Variants in GRIN2A observed in about 807,000 individuals in gnomAD.
GRIN2A encodes the protein glutamate receptor ionotropic, NMDA 2A.
In GRIN2A, 22 loss-of-function variants were observed where a neutral mutation model predicts 113.4. That is an observed-to-expected ratio of 0.19 (90% CI 0.14 to 0.28). The LOEUF is 0.28. Ranked by LOEUF, GRIN2A falls within the 10% of genes least tolerant of loss-of-function variation. The pLI, the probability that GRIN2A is intolerant of heterozygous loss-of-function variation, is 1.00. For synonymous variants in GRIN2A, 827 were observed against 738.4 expected, an observed-to-expected ratio of 1.12 and a Z score of -1.94; for missense variants, 1,502 against 1,887.0, an observed-to-expected ratio of 0.80 and a Z score of 3.78.
intron 3 of GRIN2A, among the ~76,000 whole-genome samples, chr16:9,910,039 T>A (rs2044103309): frequency 6.6e-6 from 1 of 152,240 alleles, no homozygotes; most frequent in Admixed American, 6.5e-5. Context: ...AAAACATATT[T>A]CATTCCTTTA....
intron 2 of GRIN2A, among the ~76,000 whole-genome samples, chr16:10,172,734 T>G (rs1267040109): frequency 1.3e-5 from 2 of 152,212 alleles, no homozygotes; most frequent in African/African-American, 4.8e-5. Context: ...GATTTTCTTT[T>G]CAATGGGATG....
At chr16:9,883,221 T>G (rs928483024) in intron 4 of GRIN2A, among the ~76,000 whole-genome samples, 1 of 152,150 alleles carries the variant, frequency 6.6e-6, no homozygotes, top group Non-Finnish European at 1.5e-5. Context: ...TCATCATAGT[T>G]ATTGGTACAG....
intron 10 of GRIN2A, among the ~76,000 whole-genome samples, chr16:9,818,937 T>A (rs1427849062): frequency 6.6e-6 from 1 of 152,180 alleles, no homozygotes; most frequent in Non-Finnish European, 1.5e-5. Context: ...TTGTTTGCAA[T>A]AGCAAAAGAT....
chr16:10,109,585 A>C (rs1423127488), intron 2 of GRIN2A, among the ~76,000 whole-genome samples: 1 of 151,946 alleles, frequency 6.6e-6, no homozygotes. Flanking sequence ...GTACGTTCAC[A>C]CCATGAAGGT....
rs761647204 is a variant in GRIN2A, at chr16:9,935,954, G to A, written c.1007+2005C>T. On this transcript the variant is annotated intron_variant, in intron 3 of 12. Transcript: ENST00000330684. ...TGGCCTCCAGCGATCCACCCACCTC[G>A]GCCTCCCAAAGTGCTAGGATTACAG... Among the ~76,000 whole-genome samples, 12 of 152,044 alleles carry A rather than the reference G, an allele frequency of 7.9e-5. No individual in the cohort carries two copies. In the East Asian group the frequency reaches 9.7e-4, roughly 12 times the overall value.
chr16:9,864,947 C>T (rs1025784719), intron 4 of GRIN2A, among the ~76,000 whole-genome samples: 20 of 152,136 alleles, frequency 1.3e-4, no homozygotes, highest in African/African-American at 4.6e-4. Context: ...TAACCAAAGC[C>T]GTTGTGCATG....
chr16:10,014,901 A>C (rs992816904), intron 2 of GRIN2A, among the ~76,000 whole-genome samples: 5 of 152,220 alleles, frequency 3.3e-5, no homozygotes, highest in Non-Finnish European at 5.9e-5. Context: ...TAGCATCTAC[A>C]GGAGGATGAG....
At chr16:10,026,524 T>C (rs4780763) in intron 2 of GRIN2A, among the ~76,000 whole-genome samples, 109,550 of 151,878 alleles carry the variant, frequency 0.72, 41,057 homozygotes, top group Non-Finnish European at 0.84. Context: ...TTCCTAAATT[T>C]AAACTTCATA....
chr16:9,954,840 C>T (rs1368140752), intron 2 of GRIN2A, among the ~76,000 whole-genome samples: 2 of 152,142 alleles, frequency 1.3e-5, no homozygotes, highest in African/African-American at 2.4e-5. Flanking sequence ...GGGATGAATC[C>T]AGAATTCAAT....
At chr16:9,954,328 A>G (rs2045257160) in intron 2 of GRIN2A, among the ~76,000 whole-genome samples, 1 of 152,178 alleles carries the variant, frequency 6.6e-6, no homozygotes, top group African/African-American at 2.4e-5. Context: ...GGAAGTGAAA[A>G]TTAGATGTGC....
At chr16:9,898,354 A>G (rs560687038) in intron 3 of GRIN2A, among the ~76,000 whole-genome samples, 25 of 152,270 alleles carry the variant, frequency 1.6e-4, no homozygotes, top group Middle Eastern at 3.4e-3. Context: ...CCTTGTGTGA[A>G]CAGCCAACCA....
In GRIN2A at chr16:10,044,007, GTA is replaced by G. The variant is rs368522556; in HGVS notation, c.415-105458_415-105457del. On this transcript the variant is annotated intron_variant, in intron 2 of 12. Transcript: ENST00000330684. ...TACACATACGTGTGTGTGTGTGTGT[GTA>G]TATATATATATATAGAGAGAGAGAG... is the stretch of plus-strand genomic sequence containing the variant. 5.8e-3 allele frequency among the ~76,000 whole-genome samples: 681 copies of G among 116,882 alleles called. 5 individuals carry two copies. The highest frequency in any genetic ancestry group is 9.6e-3 in the Non-Finnish European group (554 of 57,996). The allele number at this position is 116,882 out of a possible 152,430, so 76.7% of individuals were successfully genotyped here.
At chr16:10,068,126 T>C (rs909336765) in intron 2 of GRIN2A, among the ~76,000 whole-genome samples, 2 of 152,248 alleles carry the variant, frequency 1.3e-5, no homozygotes, top group Admixed American at 1.3e-4. Context: ...TGTGGTCCTC[T>C]GCTTTCCCAA....
intron 2 of GRIN2A, among the ~76,000 whole-genome samples, chr16:10,065,343 C>CTT (rs1485573191): frequency 2.0e-5 from 3 of 152,212 alleles, no homozygotes; most frequent in African/African-American, 4.8e-5. Flanking sequence ...AGCATCTACT[C>CTT]TTGTGACATT....
At chr16:10,060,938 G>T (rs1262034493) in intron 2 of GRIN2A, among the ~76,000 whole-genome samples, 1 of 152,160 alleles carries the variant, frequency 6.6e-6, no homozygotes, top group African/African-American at 2.4e-5. Flanking sequence ...AGAAACTGCT[G>T]GTTTCCCACC....
chr16:10,049,719 T>A (rs2047324709), intron 2 of GRIN2A, among the ~76,000 whole-genome samples: 2 of 152,174 alleles, frequency 1.3e-5, no homozygotes. Context: ...TCCCTCCTGA[T>A]TTTTTTCCAT....
At chr16:9,830,422 G>T (rs899475832) in intron 8 of GRIN2A, among the ~76,000 whole-genome samples, 3 of 149,952 alleles carry the variant, frequency 2.0e-5, no homozygotes, top group Non-Finnish European at 2.9e-5. Context: ...TGGCGATGGG[G>T]CATATGCAGG....
At chr16:10,175,933 A>C (rs773050208) in intron 2 of GRIN2A, among the ~76,000 whole-genome samples, 1 of 152,154 alleles carries the variant, frequency 6.6e-6, no homozygotes, top group Non-Finnish European at 1.5e-5. Flanking sequence ...GGCCAAGCCA[A>C]GATAAGATTA....
chr16:9,823,271 C>T (rs535542540), intron 9 of GRIN2A, among the ~76,000 whole-genome samples: 1 of 152,092 alleles, frequency 6.6e-6, no homozygotes, highest in Non-Finnish European at 1.5e-5. Flanking sequence ...GAGATGGTGG[C>T]GGGCTGTGGT....
Sources: gnomAD v4.1 joint callset for allele counts (sites outside exome capture counted in the v4.1 genomes callset) on GRCh38, gnomAD v4.1.1 for gene constraint, MANE v1.5 for transcripts, NCBI Gene and HGNC (gene_info 2026-07-23, HGNC 2026-07-21) for gene names.